The following NARS2 variants were observed in gnomAD, a reference collection of about 807,000 sequenced individuals.
NARS2 encodes asparaginyl-tRNA synthetase 2, mitochondrial.
A neutral mutation model predicts 62.9 loss-of-function variants in NARS2; 60 were observed. That is an observed-to-expected ratio of 0.95 (90% confidence interval 0.77 to 1.18). The LOEUF (loss-of-function observed/expected upper bound fraction) is 1.18. NARS2 is among the 50% of genes most tolerant of loss of function. The pLI is 0.00. For synonymous variants in NARS2, 196 were observed against 200.0 expected, an observed-to-expected ratio of 0.98 and a Z score of 0.17; for missense variants, 619 against 576.4, an observed-to-expected ratio of 1.07 and a Z score of -0.76.
intron 13 of NARS2, among the ~76,000 whole-genome samples, chr11:78,438,138 C>T (rs74332595): frequency 0.016 from 2,417 of 152,182 alleles, 64 homozygotes; most frequent in African/African-American, 0.055. Context: ...TATTTCCCCA[C>T]CATTAATAAT....
chr11:78,523,003 C>T (rs1010942375), intron 6 of NARS2, among the ~76,000 whole-genome samples: 3 of 152,074 alleles, frequency 2.0e-5, no homozygotes, highest in South Asian at 2.1e-4. Context: ...AGAAAATCCA[C>T]CAAACAGGGA....
At chr11:78,561,128 A>C (rs1753266461) in intron 4 of NARS2, among the ~76,000 whole-genome samples, 1 of 152,226 alleles carries the variant, frequency 6.6e-6, no homozygotes. Context: ...AGTGGGAATT[A>C]TTTTTAATAC....
chr11:78,536,486 C>T (rs926929738), intron 5 of NARS2, among the ~76,000 whole-genome samples: 1 of 151,854 alleles, frequency 6.6e-6, no homozygotes, highest in Non-Finnish European at 1.5e-5. Flanking sequence ...ATGCTGCCCC[C>T]GTATAGGCCT....
intron 4 of NARS2, among the ~76,000 whole-genome samples, chr11:78,565,834 C>T (rs1328906330): frequency 1.3e-5 from 2 of 152,156 alleles, no homozygotes; most frequent in Non-Finnish European, 2.9e-5. Context: ...ATAAATAGTA[C>T]TAGACTGAGC....
chr11:78,454,124 G>A (rs1046578779), intron 11 of NARS2, among the ~76,000 whole-genome samples: 3 of 150,892 alleles, frequency 2.0e-5, no homozygotes, highest in Non-Finnish European at 2.9e-5. Context: ...CCACTTGAGA[G>A]AGGACAACAT....
intron 12 of NARS2, 31 bp downstream of exon 12, chr11:78,443,630 C>T: frequency 6.5e-7 from 1 of 1,530,688 alleles, no homozygotes; most frequent in Non-Finnish European, 9.0e-7. Flanking sequence ...CTCAATTTCT[C>T]AATTGTGTTT....
intron 10 of NARS2, among the ~76,000 whole-genome samples, chr11:78,468,725 C>T (rs1858739130): frequency 6.6e-6 from 1 of 151,524 alleles, no homozygotes. Flanking sequence ...TAATGTCATT[C>T]AGAATATATT....
intron 11 of NARS2, among the ~76,000 whole-genome samples, chr11:78,445,313 T>C: frequency 6.6e-6 from 1 of 152,356 alleles, no homozygotes; most frequent in South Asian, 2.1e-4. Flanking sequence ...TCTTCAATTA[T>C]TAAATTAGTA....
In NARS2 at chr11:78,443,611, C is replaced by T. The variant is rs1017161548; in HGVS notation, c.1262+50G>A. The T allele has an allele frequency of 7.3e-6, 10 of 1,371,000 alleles. No homozygotes were observed. The African/African-American group carries it at 8.6e-5, about 12-fold the overall frequency. 84.9% of individuals were successfully genotyped at this position (1,371,000 alleles called of 1,614,324 possible). A position where few individuals can be genotyped will look rare whatever the true frequency, so the allele number is the denominator to read the frequency against. On this transcript the variant is annotated intron_variant, in intron 12 of 13. Coordinates refer to ENST00000281038, the MANE Select transcript of NARS2 (RefSeq NM_024678.6). The stretch of plus-strand genomic sequence containing the variant: ...TTACTATGCAATGACCACCTTTGAG[C>T]GCCTTATGCTCAATTTCTCAATTGT...
chr11:78,532,868 A>T (rs1861529919), intron 5 of NARS2, among the ~76,000 whole-genome samples: 1 of 152,224 alleles, frequency 6.6e-6, no homozygotes, highest in Admixed American at 6.5e-5. Context: ...CTCATAAATC[A>T]GCATTGTATT....
rs1394060755 is a variant in NARS2 at position 78,436,539 on chromosome 11, T to G, written c.*131A>C. ...ATCACAACCACTTATATTTTTTCTA[T>G]GATATCTTATGGCACAACAATTACA... On this transcript the variant is annotated 3_prime_UTR_variant, in exon 14 of 14. Transcript: ENST00000281038. 7 of 1,096,186 alleles carry G rather than the reference T, an allele frequency of 6.4e-6. No homozygotes were observed. The highest frequency in any genetic ancestry group is 1.8e-5 in the South Asian group (1 of 55,516). 67.9% of individuals were successfully genotyped at this position (1,096,186 alleles called of 1,614,324 possible). A position where few individuals can be genotyped will look rare whatever the true frequency, so the allele number is the denominator to read the frequency against.
intron 5 of NARS2, among the ~76,000 whole-genome samples, chr11:78,535,470 C>T (rs1241429939): frequency 2.0e-5 from 3 of 152,146 alleles, no homozygotes; most frequent in African/African-American, 7.2e-5. Context: ...TGAACATAAA[C>T]CAGCAAAAAT....
chr11:78,566,482 G>A (rs1375609515), intron 3 of NARS2, among the ~76,000 whole-genome samples: 2 of 152,176 alleles, frequency 1.3e-5, no homozygotes, highest in Non-Finnish European at 2.9e-5. Flanking sequence ...TTTGAATCTA[G>A]CTCAACTACT....
intron 5 of NARS2, among the ~76,000 whole-genome samples, chr11:78,549,247 AC>A (rs1207661477): frequency 6.6e-6 from 1 of 152,162 alleles, no homozygotes; most frequent in Non-Finnish European, 1.5e-5. Context: ...AAGCCAAGAA[AC>A]CTGGGCTGCT....
intron 6 of NARS2, among the ~76,000 whole-genome samples, chr11:78,512,030 C>T (rs1215727393): frequency 6.6e-6 from 1 of 152,212 alleles, no homozygotes; most frequent in Non-Finnish European, 1.5e-5. Flanking sequence ...ACAACAACGT[C>T]CTTCCAAGAA....
chr11:78,574,285 G>T, intron 1 of NARS2, 63 bp downstream of exon 1: 1 of 1,599,270 alleles, frequency 6.3e-7, no homozygotes, highest in Non-Finnish European at 8.6e-7. Flanking sequence ...AGAAAAGCTA[G>T]ATGTGGATGT....
intron 4 of NARS2, 120 bp from the exon 5 acceptor site, chr11:78,559,739 T>G: frequency 1.5e-6 from 1 of 645,240 alleles, no homozygotes; most frequent in Non-Finnish European, 2.7e-6. Flanking sequence ...CCCTCCCTAA[T>G]CCCCTAAATA....
chr11:78,531,619 T>C (rs1202977286), intron 5 of NARS2, among the ~76,000 whole-genome samples: 1 of 151,896 alleles, frequency 6.6e-6, no homozygotes, highest in African/African-American at 2.4e-5. Flanking sequence ...TATCCATCAA[T>C]GGAAAAATGA....
intron 11 of NARS2, among the ~76,000 whole-genome samples, chr11:78,451,839 G>C (rs769470794): frequency 1.8e-4 from 27 of 152,188 alleles, no homozygotes; most frequent in Non-Finnish European, 3.2e-4. Context: ...CAATTCCAGT[G>C]TGCTTTTAGA....
Sources: allele counts gnomAD v4.1 joint callset (sites outside exome capture counted in the v4.1 genomes callset), GRCh38; gene constraint gnomAD v4.1.1; transcripts MANE v1.5; gene names NCBI Gene and HGNC (gene_info 2026-07-23, HGNC 2026-07-21).